Variants in SDK1 observed in about 807,000 individuals in gnomAD.
The protein encoded by SDK1 is sidekick cell adhesion molecule 1.
In SDK1, 157 loss-of-function variants were observed where a neutral mutation model predicts 245.5. The ratio of observed to expected loss-of-function variants is 0.64; its 90% confidence interval spans 0.56 to 0.73. SDK1 has a LOEUF of 0.73. Among genes scored for constraint, SDK1 ranks in the 30% least tolerant of loss-of-function variants. The probability of loss-of-function intolerance (pLI) is 0.00; values close to 1 mark genes in which losing one functional copy is unlikely to be tolerated. For synonymous variants in SDK1, 1,647 were observed against 1,278.5 expected, an observed-to-expected ratio of 1.29 and a Z score of -6.15; for missense variants, 3,583 against 3,002.3, an observed-to-expected ratio of 1.19 and a Z score of -4.52.
intron 5 of SDK1, among the ~76,000 whole-genome samples, chr7:3,900,255 C>T (rs12701271): frequency 0.17 from 26,469 of 152,152 alleles, 2,454 homozygotes; most frequent in Middle Eastern, 0.32. Flanking sequence ...AATATTTTCA[C>T]CTTTAAAGTG....
At chr7:4,170,851 A>T (rs1279208132) in intron 32 of SDK1, among the ~76,000 whole-genome samples, 1 of 152,088 alleles carries the variant, frequency 6.6e-6, no homozygotes, top group African/African-American at 2.4e-5. Flanking sequence ...GAAAGAGCAA[A>T]TGAGCAGCCC....
chr7:3,949,242 A>G (rs1024181676), intron 5 of SDK1, among the ~76,000 whole-genome samples: 1 of 152,214 alleles, frequency 6.6e-6, no homozygotes, highest in Non-Finnish European at 1.5e-5. Flanking sequence ...TCACCCTCAC[A>G]TTATTCAATC....
chr7:3,671,295 C>G (rs545946286), intron 4 of SDK1, among the ~76,000 whole-genome samples: 53 of 152,334 alleles, frequency 3.5e-4, no homozygotes, highest in African/African-American at 1.2e-3. Context: ...TTAATGTTCT[C>G]TAGAATTCCA....
intron 17 of SDK1, among the ~76,000 whole-genome samples, chr7:4,037,500 G>A (rs905016421): frequency 1.3e-5 from 2 of 152,072 alleles, no homozygotes; most frequent in African/African-American, 2.4e-5. Flanking sequence ...ATCTGTAATT[G>A]CAGCTACTCG....
chr7:3,597,195 C>T (rs2128637465), intron 1 of SDK1, among the ~76,000 whole-genome samples: 1 of 151,254 alleles, frequency 6.6e-6, no homozygotes, highest in African/African-American at 2.4e-5. Flanking sequence ...TGGCGTGAAC[C>T]CGGGAGGCGG....
chr7:3,743,455 G>C (rs1313310401), intron 4 of SDK1, among the ~76,000 whole-genome samples: 2 of 152,156 alleles, frequency 1.3e-5, no homozygotes, highest in Non-Finnish European at 2.9e-5. Context: ...GCAAGTTAGA[G>C]TGGACCTTTT....
chr7:4,235,572 A>G (rs920027647), intron 41 of SDK1, among the ~76,000 whole-genome samples: 12 of 152,254 alleles, frequency 7.9e-5, no homozygotes, highest in African/African-American at 2.9e-4. Flanking sequence ...GAGAATGAGG[A>G]ACCCTCAGCA....
chr7:3,706,312 A>G (rs1426343154), intron 4 of SDK1, among the ~76,000 whole-genome samples: 1 of 152,112 alleles, frequency 6.6e-6, no homozygotes. Context: ...CCTCTTTCTC[A>G]GTCTTTTGGA....
At chr7:3,717,112 G>A (rs1785226118) in intron 4 of SDK1, among the ~76,000 whole-genome samples, 1 of 152,170 alleles carries the variant, frequency 6.6e-6, no homozygotes, top group Non-Finnish European at 1.5e-5. Flanking sequence ...TGAAGGAGTG[G>A]AATGAGGATA....
chr7:3,712,711 G>C (rs915522770), intron 4 of SDK1, among the ~76,000 whole-genome samples: 1 of 152,224 alleles, frequency 6.6e-6, no homozygotes, highest in Non-Finnish European at 1.5e-5. Flanking sequence ...CTGGGCAGTA[G>C]TTACCTTGTT....
chr7:3,593,152 G>C (rs950937093), intron 1 of SDK1, among the ~76,000 whole-genome samples: 1 of 152,232 alleles, frequency 6.6e-6, no homozygotes, highest in East Asian at 1.9e-4. Flanking sequence ...ATTTGAAGGA[G>C]TCTTACTCAT....
intron 1 of SDK1, among the ~76,000 whole-genome samples, chr7:3,490,619 G>C (rs17133432): frequency 0.23 from 34,363 of 152,148 alleles, 4,259 homozygotes; most frequent in East Asian, 0.34. Flanking sequence ...ATAGAATTCA[G>C]TATGAACACA....
intron 42 of SDK1, among the ~76,000 whole-genome samples, chr7:4,238,620 C>T (rs949764144): frequency 6.6e-6 from 1 of 150,594 alleles, no homozygotes; most frequent in Non-Finnish European, 1.5e-5. Context: ...GCAGTCTAGG[C>T]TTACTGCAAC....
At chr7:3,702,856 C>T (rs1209094638) in intron 4 of SDK1, among the ~76,000 whole-genome samples, 1 of 152,102 alleles carries the variant, frequency 6.6e-6, no homozygotes, top group African/African-American at 2.4e-5. Flanking sequence ...AAAAGACATT[C>T]AGTGGAAATG....
intron 4 of SDK1, among the ~76,000 whole-genome samples, chr7:3,762,569 C>G (rs554983871): frequency 1.3e-5 from 2 of 152,302 alleles, no homozygotes; most frequent in East Asian, 1.9e-4. Context: ...TGGTTGGGTA[C>G]TTTTAGCGAT....
At chr7:3,678,155 A>G (rs1783968593) in intron 4 of SDK1, among the ~76,000 whole-genome samples, 2 of 152,208 alleles carry the variant, frequency 1.3e-5, no homozygotes, top group South Asian at 2.1e-4. Flanking sequence ...GGATGTGGAA[A>G]CAGTGGGGTC....
chr7:3,436,262 C>G (rs17133355), intron 1 of SDK1, among the ~76,000 whole-genome samples: 27,166 of 151,788 alleles, frequency 0.18, 2,419 homozygotes, highest in South Asian at 0.23. Flanking sequence ...CTTTAGAAAA[C>G]TTTTTAGATA....
At chr7:3,470,759 C>T (rs997321965) in intron 1 of SDK1, among the ~76,000 whole-genome samples, 16 of 152,096 alleles carry the variant, frequency 1.1e-4, no homozygotes, top group African/African-American at 3.6e-4. Flanking sequence ...AAATCCCAGG[C>T]TTTTTATGAA....
chr7:3,441,165 A>G (rs1248529814), intron 1 of SDK1, among the ~76,000 whole-genome samples: 1 of 152,196 alleles, frequency 6.6e-6, no homozygotes, highest in African/African-American at 2.4e-5. Context: ...AACTATTATT[A>G]CAGTATGTTA....
Sources: gnomAD v4.1 joint callset for allele counts (sites outside exome capture counted in the v4.1 genomes callset) on GRCh38, gnomAD v4.1.1 for gene constraint, MANE v1.5 for transcripts, NCBI Gene and HGNC (gene_info 2026-07-23, HGNC 2026-07-21) for gene names.